The following NRDE2 variants were observed in gnomAD, a reference collection of about 807,000 sequenced individuals.
NRDE2 encodes the protein nuclear exosome regulator NRDE2.
Under a neutral mutation model 124.2 loss-of-function variants are expected in NRDE2, and 76 were observed. That is an observed-to-expected ratio of 0.61 (90% confidence interval 0.51 to 0.74). The LOEUF (loss-of-function observed/expected upper bound fraction) is 0.74. NRDE2 is among the 30% of genes least tolerant of loss of function. The probability of loss-of-function intolerance (pLI) is 0.00; values close to 1 mark genes in which losing one functional copy is unlikely to be tolerated. For missense variants in NRDE2, 1,314 were observed against 1,417.3 expected, an observed-to-expected ratio of 0.93 and a Z score of 1.17; for synonymous variants, 489 against 528.1, an observed-to-expected ratio of 0.93 and a Z score of 1.01.
rs1419555412 is a variant in NRDE2 at position 90,289,282 on chromosome 14, C to T, written c.2230-137G>A. The T allele has an allele frequency of 7.4e-6, 5 of 671,524 alleles. No individual in the cohort carries two copies. In the East Asian group the frequency reaches 1.0e-4, roughly 14 times the overall value. The allele number at this position is 671,524 out of a possible 1,614,324, so 41.6% of individuals were successfully genotyped here. On this transcript the variant is annotated intron_variant, in intron 10 of 13. Transcript: ENST00000354366. ...ATCACGGGTCTGGTAAACACTGAGGCTCTCTGAGCTGGAAAAGAAATAAGG... is the reference window on the plus strand; with the variant it reads ...ATCACGGGTCTGGTAAACACTGAGGTTCTCTGAGCTGGAAAAGAAATAAGG...
chr14:90,281,850 A>G (rs1239890046), intron 12 of NRDE2, among the ~76,000 whole-genome samples: 1 of 152,080 alleles, frequency 6.6e-6, no homozygotes, highest in Non-Finnish European at 1.5e-5. Flanking sequence ...GAAGACTGAC[A>G]CTCTGCTGAG....
At chr14:90,328,516 G>A (rs1489866638) in intron 1 of NRDE2, among the ~76,000 whole-genome samples, 1 of 152,096 alleles carries the variant, frequency 6.6e-6, no homozygotes, top group East Asian at 1.9e-4. Context: ...ATCATTAGGT[G>A]TAAGGTTCAT....
At chr14:90,282,537 A>C (rs1891983440) in intron 12 of NRDE2, among the ~76,000 whole-genome samples, 1 of 152,154 alleles carries the variant, frequency 6.6e-6, no homozygotes, top group Admixed American at 6.5e-5. Context: ...AAAACAGCGC[A>C]TTTGAAAGTC....
At chr14:90,308,980 T>A (rs1315947760) in intron 4 of NRDE2, among the ~76,000 whole-genome samples, 1 of 151,900 alleles carries the variant, frequency 6.6e-6, no homozygotes, top group Admixed American at 6.5e-5. Context: ...TGGTGGCTCA[T>A]GCCTGTAATC....
Position 90,318,111 on chromosome 14 carries a change from ACT to A in NRDE2, c.65_66del (p.Glu22ValfsTer22), listed in dbSNP as rs1449070036. On this transcript the variant is annotated frameshift_variant and splice_region_variant, in exon 2 of 14. Transcript: ENST00000354366. LOFTEE classifies it high-confidence loss of function. Reference sequence around the variant, plus strand: ...AAGCTTGGGTTGCTCAGCCAGTCTAACTCTGCACAGGCAAAAGGAGAAAAGAT... The same window carrying A: ...AAGCTTGGGTTGCTCAGCCAGTCTAACTGCACAGGCAAAAGGAGAAAAGAT... ...EAPDGGSSRK[E>X]LDWLSNPSFC... 3 of 1,611,186 alleles carry A rather than the reference ACT, an allele frequency of 1.9e-6. No individual in the cohort carries two copies. The highest frequency in any genetic ancestry group is 1.7e-5 in the Admixed American group (1 of 59,546).
In NRDE2 at chr14:90,290,615, A is replaced by G; in HGVS notation, c.1843-8T>C. 6.3e-7 allele frequency: 1 copy of G among 1,588,774 alleles called. No individual in the cohort carries two copies. The highest frequency in any genetic ancestry group is 8.5e-7 in the Non-Finnish European group (1 of 1,169,714). ...AATATCATCAAACAACACCTGCAACAAAGACAAAATAAAGCGACCCATGTA... is the reference window on the plus strand; with the variant it reads ...AATATCATCAAACAACACCTGCAACGAAGACAAAATAAAGCGACCCATGTA... On this transcript the variant is annotated splice_region_variant and splice_polypyrimidine_tract_variant and intron_variant, in intron 9 of 13. Coordinates refer to ENST00000354366, the MANE Select transcript of NRDE2 (RefSeq NM_017970.4).
At chr14:90,299,611 C>A (rs184972565) in intron 7 of NRDE2, among the ~76,000 whole-genome samples, 4 of 152,278 alleles carry the variant, frequency 2.6e-5, no homozygotes, top group Non-Finnish European at 5.9e-5. Context: ...GGGCCATGAG[C>A]CACAGGATTA....
At chr14:90,313,119 A>AC (rs1255397544) in intron 3 of NRDE2, among the ~76,000 whole-genome samples, 143 of 102,274 alleles carry the variant, frequency 1.4e-3, no homozygotes, top group African/African-American at 5.6e-3. Flanking sequence ...TCTCAGCCTC[A>AC]TTTTTTTTTT....
chr14:90,289,037 AGTT>A lies in NRDE2; in HGVS notation c.2335_2337del (p.Asn779del). The A allele has an allele frequency of 6.2e-7, 1 of 1,614,126 alleles. No individual in the cohort carries two copies. ...TGTGCATACTGCTTCCACAGGCAAA[AGTT>A]GTTGCAGTTTTCTGGCTCCTTAAGG... On this transcript the variant is annotated inframe_deletion, in exon 11 of 14. Coordinates refer to ENST00000354366, the MANE Select transcript of NRDE2 (RefSeq NM_017970.4).
chr14:90,285,521 C>T (rs113628878), intron 12 of NRDE2, among the ~76,000 whole-genome samples: 20,273 of 151,968 alleles, frequency 0.13, 1,576 homozygotes, highest in East Asian at 0.21. Flanking sequence ...AGGCTGGCCT[C>T]GAACTCCTGA....
At chr14:90,312,311 G>T in intron 4 of NRDE2, 83 bp downstream of exon 4, 1 of 1,294,962 alleles carries the variant, frequency 7.7e-7, no homozygotes, top group Non-Finnish European at 1.1e-6. Context: ...AGAGAAACAG[G>T]CAGGCAGACA....
chr14:90,320,821 A>C (rs558062081), intron 1 of NRDE2, among the ~76,000 whole-genome samples: 20 of 152,188 alleles, frequency 1.3e-4, no homozygotes, highest in Non-Finnish European at 2.8e-4. Flanking sequence ...GCTCTATGGG[A>C]GGTATTATGA....
chr14:90,269,121 A>AG lies in NRDE2; in HGVS notation c.*9214_*9215insC, dbSNP rs1391116005. 1.7e-4 allele frequency: 66 copies of AG among 378,522 alleles called. No individual in the cohort carries two copies. In the East Asian group the frequency reaches 3.1e-3, roughly 18 times the overall value. 23.4% of individuals were successfully genotyped at this position (378,522 alleles called of 1,614,324 possible). On this transcript the variant is annotated 3_prime_UTR_variant, in exon 14 of 14. Coordinates refer to ENST00000354366, the MANE Select transcript of NRDE2 (RefSeq NM_017970.4). The stretch of plus-strand genomic sequence containing the variant: ...TTTTTAGAAGGAACTCATGCTGTAT[A>AG]AGGCTCTGCCTCATGCCTTTAGCCC...
intron 13 of NRDE2, chr14:90,278,711 C>T (rs1891869603): frequency 1.8e-6 from 1 of 541,196 alleles, no homozygotes; most frequent in Admixed American, 3.1e-5. Flanking sequence ...GAATTGCTGG[C>T]CGTCGCCCTC....
Position 90,275,015 on chromosome 14 carries a change from GT to G in NRDE2, c.*3320del, listed in dbSNP as rs1891773131. On this transcript the variant is annotated 3_prime_UTR_variant, in exon 14 of 14. Coordinates refer to ENST00000354366, the MANE Select transcript of NRDE2 (RefSeq NM_017970.4). Reference sequence around the variant, plus strand: ...ATCATCAGTAATGGGCACTTTGAAAGTACGTGCCACCCAAGAGTGTCAGTGC... The same window carrying G: ...ATCATCAGTAATGGGCACTTTGAAAGACGTGCCACCCAAGAGTGTCAGTGC... 1 of 152,246 alleles carries G rather than the reference GT, an allele frequency of 6.6e-6. No homozygotes were observed. Among genetic ancestry groups the G allele is most frequent in the Non-Finnish European group, 1.5e-5 (1 of 68,056 alleles). 9.4% of individuals were successfully genotyped at this position (152,246 alleles called of 1,614,324 possible). A position where few individuals can be genotyped will look rare whatever the true frequency, so the allele number is the denominator to read the frequency against.
intron 1 of NRDE2, among the ~76,000 whole-genome samples, chr14:90,320,777 T>C (rs1885213449): frequency 6.6e-6 from 1 of 152,186 alleles, no homozygotes; most frequent in African/African-American, 2.4e-5. Context: ...GCTAAGAACT[T>C]ACATCCTTTT....
intron 2 of NRDE2, 24 bp downstream of exon 2, chr14:90,317,981 A>C: frequency 6.3e-7 from 1 of 1,589,348 alleles, no homozygotes; most frequent in South Asian, 1.1e-5. Flanking sequence ...AAAAACGAAA[A>C]CACATCTGTC....
chr14:90,317,338 TA>T (rs558506364), intron 2 of NRDE2, among the ~76,000 whole-genome samples: 11 of 152,300 alleles, frequency 7.2e-5, no homozygotes, highest in South Asian at 6.2e-4. Flanking sequence ...ATGTTGTTAA[TA>T]AAAAAACCAA....
chr14:90,331,804 C>A, intron 1 of NRDE2, 37 bp downstream of exon 1: 2 of 1,609,366 alleles, frequency 1.2e-6, no homozygotes, highest in Non-Finnish European at 1.7e-6. Flanking sequence ...CCTCTTAAGC[C>A]CCCCAGGTGC....
Sources: allele counts gnomAD v4.1 joint callset (sites outside exome capture counted in the v4.1 genomes callset), GRCh38; gene constraint gnomAD v4.1.1; transcripts MANE v1.5; gene names NCBI Gene and HGNC (gene_info 2026-07-23, HGNC 2026-07-21).